CNTN4: variants seen among roughly 807,000 people sequenced by gnomAD.
CNTN4 encodes the protein contactin 4.
Under a neutral mutation model 122.5 loss-of-function variants are expected in CNTN4, and 77 were observed. The ratio of observed to expected loss-of-function variants is 0.63; its 90% CI spans 0.52 to 0.76. The LOEUF is 0.76. Among genes scored for constraint, CNTN4 ranks in the 30% least tolerant of loss-of-function variants. The pLI is 0.00. For synonymous variants in CNTN4, 512 were observed against 447.0 expected, an observed-to-expected ratio of 1.15 and a Z score of -1.83; for missense variants, 1,256 against 1,259.1, an observed-to-expected ratio of 1.00 and a Z score of 0.04.
intron 3 of CNTN4, among the ~76,000 whole-genome samples, chr3:2,391,924 A>G (rs1281163895): frequency 6.6e-6 from 1 of 152,184 alleles, no homozygotes; most frequent in African/African-American, 2.4e-5. Flanking sequence ...CTACTCTTTA[A>G]ATGGGGCAAA....
At chr3:2,567,122 T>A (rs2079201519) in intron 3 of CNTN4, among the ~76,000 whole-genome samples, 1 of 150,336 alleles carries the variant, frequency 6.7e-6, no homozygotes, top group African/African-American at 2.5e-5. Context: ...GTCTTGCTCA[T>A]TGTCCAGGCT....
At chr3:2,258,255 A>T (rs554670859) in intron 2 of CNTN4, among the ~76,000 whole-genome samples, 1 of 152,298 alleles carries the variant, frequency 6.6e-6, no homozygotes, top group South Asian at 2.1e-4. Flanking sequence ...ATATACCCAA[A>T]GCATTATAAA....
intron 20 of CNTN4, among the ~76,000 whole-genome samples, chr3:3,041,521 G>T (rs1316555746): frequency 6.6e-6 from 1 of 152,164 alleles, no homozygotes; most frequent in Non-Finnish European, 1.5e-5. Context: ...GATAACTCAG[G>T]TATACTCTGT....
chr3:3,037,499 G>T, intron 18 of CNTN4, 171 bp downstream of exon 18: 4 of 868,960 alleles, frequency 4.6e-6, no homozygotes, highest in South Asian at 1.4e-5. Flanking sequence ...AGCTGAACAC[G>T]CAACGGGTTT....
chr3:2,537,298 C>T (rs2077849349), intron 3 of CNTN4, among the ~76,000 whole-genome samples: 1 of 151,916 alleles, frequency 6.6e-6, no homozygotes, highest in Admixed American at 6.6e-5. Flanking sequence ...AAGGTATAGC[C>T]TAGAGTTGGT....
At chr3:2,158,356 C>A (rs1482056848) in intron 2 of CNTN4, among the ~76,000 whole-genome samples, 13 of 152,252 alleles carry the variant, frequency 8.5e-5, no homozygotes, top group Non-Finnish European at 1.9e-4. Context: ...AAATATATTT[C>A]ATTAATAATT....
chr3:2,463,547 G>T (rs903388700), intron 3 of CNTN4, among the ~76,000 whole-genome samples: 8 of 152,102 alleles, frequency 5.3e-5, no homozygotes, highest in Admixed American at 1.3e-4. Flanking sequence ...ATCACCTGAG[G>T]TCAGGAGTTC....
intron 2 of CNTN4, among the ~76,000 whole-genome samples, chr3:2,256,409 G>A (rs946896606): frequency 3.9e-5 from 6 of 152,072 alleles, no homozygotes; most frequent in African/African-American, 1.4e-4. Context: ...CCAAACAATA[G>A]AAAAAGAGGG....
chr3:2,737,291 A>T (rs2089179650), intron 5 of CNTN4, among the ~76,000 whole-genome samples: 1 of 151,818 alleles, frequency 6.6e-6, no homozygotes, highest in South Asian at 2.1e-4. Flanking sequence ...ATGTTGGCCA[A>T]ACTGGTCTCG....
intron 4 of CNTN4, among the ~76,000 whole-genome samples, chr3:2,713,129 C>A (rs1272087717): frequency 6.6e-6 from 1 of 152,154 alleles, no homozygotes; most frequent in Non-Finnish European, 1.5e-5. Context: ...AAATTTGCAA[C>A]TGATATCTGA....
At chr3:2,776,527 A>G (rs1317702300) in intron 6 of CNTN4, among the ~76,000 whole-genome samples, 2 of 152,096 alleles carry the variant, frequency 1.3e-5, no homozygotes, top group African/African-American at 2.4e-5. Flanking sequence ...TCCAAAGTCA[A>G]CATTCCTCAG....
chr3:2,820,730 A>G (rs11129309), intron 7 of CNTN4, among the ~76,000 whole-genome samples: 109,860 of 151,732 alleles, frequency 0.72, 39,962 homozygotes, highest in East Asian at 0.78. Context: ...AATATCACTC[A>G]GGAAATTACA....
chr3:2,838,811 C>T (rs2093288273), intron 7 of CNTN4, among the ~76,000 whole-genome samples: 1 of 152,170 alleles, frequency 6.6e-6, no homozygotes, highest in East Asian at 1.9e-4. Flanking sequence ...TACTCTATGA[C>T]TTTCTCCATT....
chr3:2,631,929 G>A (rs2082456816), intron 4 of CNTN4, among the ~76,000 whole-genome samples: 1 of 150,486 alleles, frequency 6.6e-6, no homozygotes, highest in East Asian at 1.9e-4. Flanking sequence ...GCGTGCACCT[G>A]TAATCCTACC....
In CNTN4 at chr3:2,844,155, C is replaced by T. The variant is rs146865153; in HGVS notation, c.455-22597C>T. Among the ~76,000 whole-genome samples the T allele has an allele frequency of 2.4e-4, 37 of 152,262 alleles. No homozygotes were observed. In the East Asian group the frequency reaches 6.6e-3, roughly 27 times the overall value. ...CCCCAGATACCTCGTGGCTTGCAAC[C>T]TTCTTTCATTTCAAATCTCTGCTCA... On this transcript the variant is annotated intron_variant, in intron 7 of 24. Transcript: ENST00000418658.
Position 3,042,405 on chromosome 3 carries a change from C to G in CNTN4, c.2494C>G (p.Arg832Gly). Residue 832 changes from arginine to glycine, a missense_variant, in exon 21 of 25, where the codon CGA (arginine) becomes GGA (glycine). Coordinates refer to ENST00000418658, the MANE Select transcript of CNTN4 (RefSeq NM_175607.3). ...CTCCCCACTGGAGAAGAATAGAGGA[C>G]GAATACAAGGTTATGAGGTAGGCAA... ...WASPLEKNRG[R>G]IQGYEVKYWR... is the part of the protein sequence containing the mutation. The G allele has an allele frequency of 1.2e-6, 2 of 1,610,922 alleles. No homozygotes were observed. Among genetic ancestry groups the G allele is most frequent in the Non-Finnish European group, 1.7e-6 (2 of 1,177,166 alleles).
Position 2,709,130 on chromosome 3 carries a change from T to C in CNTN4, c.56-27085T>C, listed in dbSNP as rs919111104. 2.6e-5 allele frequency among the ~76,000 whole-genome samples: 4 copies of C among 152,194 alleles called. No individual in the cohort carries two copies. Among genetic ancestry groups the C allele is most frequent in the African/African-American group, 7.2e-5 (3 of 41,452 alleles). On this transcript the variant is annotated intron_variant, in intron 4 of 24. Transcript: ENST00000418658. This position sits in a 1 kb window ranked among gnomAD's most constrained non-coding sequence, Gnocchi z 5.0. The stretch of plus-strand genomic sequence containing the variant: ...AGTTTTTAAGCTAGATCGTTACAAA[T>C]GAAGCCTTACCATTTGATGAAAATC...
rs576164239 is a variant in CNTN4 at position 2,829,722 on chromosome 3, T to C, written c.454+10141T>C. On this transcript the variant is annotated intron_variant, in intron 7 of 24. Transcript: ENST00000418658. ...CTAGATGTCAACAACTATACACTTA[T>C]GAGTAGAAAAAAATAAGTTGATATA... Among the ~76,000 whole-genome samples, 266 of 152,334 alleles carry C rather than the reference T, an allele frequency of 1.7e-3. 2 individuals carry two copies. The highest frequency in any genetic ancestry group is 5.8e-3 in the African/African-American group (243 of 41,582).
At chr3:2,159,492 A>T (rs1012575515) in intron 2 of CNTN4, among the ~76,000 whole-genome samples, 1 of 152,196 alleles carries the variant, frequency 6.6e-6, no homozygotes, top group Admixed American at 6.5e-5. Flanking sequence ...GTCTCTGAGC[A>T]TTGGGAAAGG....
Sources: allele counts gnomAD v4.1 joint callset (sites outside exome capture counted in the v4.1 genomes callset), GRCh38; gene constraint gnomAD v4.1.1; non-coding constraint Gnocchi (gnomAD v3.1); transcripts MANE v1.5; gene names NCBI Gene and HGNC (gene_info 2026-07-23, HGNC 2026-07-21).